MADD: variants seen among roughly 807,000 people sequenced by gnomAD.
The protein encoded by MADD is MAP kinase activating death domain, also known as MAP kinase-activating death domain protein.
A neutral mutation model predicts 176.7 loss-of-function variants in MADD; 109 were observed. The observed-to-expected ratio is 0.62, with a 90% confidence interval of 0.53 to 0.72. The LOEUF (loss-of-function observed/expected upper bound fraction) is 0.72, where lower values mean the gene tolerates loss of function less well. Among genes scored for constraint, MADD ranks in the 30% least tolerant of loss-of-function variants. MADD has a pLI of 0.00. For missense variants in MADD, 1,914 were observed against 2,045.5 expected (o/e 0.94, Z 1.24); for synonymous variants, 771 against 771.3 (o/e 1.00, Z 0.01).
intron 26 of MADD, among the ~76,000 whole-genome samples, chr11:47,312,395 T>C (rs977996852): frequency 6.6e-6 from 1 of 152,194 alleles, no homozygotes; most frequent in Non-Finnish European, 1.5e-5. Flanking sequence ...ATTACAGGCA[T>C]GTGCCCGCCC....
intron 22 of MADD, among the ~76,000 whole-genome samples, chr11:47,297,234 A>G (rs2073237865): frequency 6.6e-6 from 1 of 152,164 alleles, no homozygotes; most frequent in African/African-American, 2.4e-5. Flanking sequence ...GAAACCAACT[A>G]TTTAAAACTG....
exon 30 of MADD, chr11:47,324,479 T>C (rs977156839): frequency 3.7e-6 from 6 of 1,613,360 alleles, no homozygotes; most frequent in South Asian, 1.1e-5. Flanking sequence ...AGGACCTGAA[T>C]TGGGTGGCGA....
rs2066300455 is a variant in MADD at position 47,292,608 on chromosome 11, A to G, written c.3302-1275A>G. The G allele has an allele frequency of 6.2e-7, 1 of 1,613,704 alleles. No homozygotes were observed. The highest frequency in any genetic ancestry group is 1.1e-5 in the South Asian group (1 of 91,084). ...TTTGGAAAAACAGAGTAAGGAACAAATGCCCTTTCCTGTTCCCAAGTCCTC... is the reference window on the plus strand; with the variant it reads ...TTTGGAAAAACAGAGTAAGGAACAAGTGCCCTTTCCTGTTCCCAAGTCCTC... On this transcript the variant is annotated intron_variant, in intron 19 of 32. Coordinates refer to ENST00000402192, the Ensembl canonical transcript of MADD.
intron 15 of MADD, among the ~76,000 whole-genome samples, chr11:47,287,891 C>G (rs1030544435): frequency 2.0e-5 from 3 of 148,700 alleles, no homozygotes; most frequent in Non-Finnish European, 3.0e-5. Flanking sequence ...CCCGGGTTCA[C>G]ACCATTCTGC....
chr11:47,311,048 T>C (rs1386263660), intron 25 of MADD, among the ~76,000 whole-genome samples: 1 of 152,128 alleles, frequency 6.6e-6, no homozygotes, highest in East Asian at 1.9e-4. Flanking sequence ...TTGTACTTGG[T>C]TTTATAGCTG....
At chr11:47,324,983 GGTGTGCGTGCAGCTTGC>G (rs2095250723) in intron 30 of MADD, 1 of 570,876 alleles carries the variant, frequency 1.8e-6, no homozygotes, top group Admixed American at 3.1e-5. Context: ...GTGTCTTTCT[GGTGTGCGTGCAGCTTGC>G]GTGTGCGTGC....
intron 14 of MADD, among the ~76,000 whole-genome samples, chr11:47,286,090 T>C (rs2060437866): frequency 6.6e-6 from 1 of 152,160 alleles, no homozygotes; most frequent in African/African-American, 2.4e-5. Flanking sequence ...ATCCCTGTGA[T>C]TGTGAGTTTC....
chr11:47,297,255 C>T (rs2073269175), intron 22 of MADD, among the ~76,000 whole-genome samples: 2 of 151,982 alleles, frequency 1.3e-5, no homozygotes, highest in Admixed American at 6.6e-5. Context: ...GTTATCATTC[C>T]CACCCCCAGA....
At chr11:47,290,401 G>A (rs1019329959) in intron 18 of MADD, 102 bp downstream of exon 19, 19 of 1,452,008 alleles carry the variant, frequency 1.3e-5, no homozygotes, top group Non-Finnish European at 1.7e-5. Flanking sequence ...CCAGTGCCAC[G>A]CTGCTTCCCA....
At chr11:47,318,102 T>C (rs1425077036) in intron 27 of MADD, among the ~76,000 whole-genome samples, 1 of 152,206 alleles carries the variant, frequency 6.6e-6, no homozygotes, top group Non-Finnish European at 1.5e-5. Context: ...CAATAGTTTC[T>C]TTTACGGCTT....
At chr11:47,289,057 C>CT (rs745337450) in intron 15 of MADD, 30 bp downstream of exon 16, 13,098 of 1,367,656 alleles carry the variant, frequency 9.6e-3, no homozygotes, top group South Asian at 0.013. Context: ...TGTGCATGAT[C>CT]TTTTTTTTTT....
chr11:47,275,212 AT>A, intron 3 of MADD, 53 bp downstream of exon 3: 1 of 1,509,496 alleles, frequency 6.6e-7, no homozygotes, highest in South Asian at 1.2e-5. Flanking sequence ...ATTCCATGTA[AT>A]TGGTCTTTGA....
At chr11:47,324,161 T>G in intron 28 of MADD, 104 bp from the exon 32 acceptor site, 3 of 982,734 alleles carry the variant, frequency 3.1e-6, no homozygotes, top group Non-Finnish European at 4.8e-6. Flanking sequence ...ACTTAAAATT[T>G]TACCCCTCAC....
chr11:47,285,472 C>G, exon 14 of MADD: 1 of 1,614,132 alleles, frequency 6.2e-7, no homozygotes, highest in Non-Finnish European at 8.5e-7. Flanking sequence ...TGCTGCGGCC[C>G]AACAGCTTGA....
chr11:47,321,823 G>C (rs2094522103), intron 27 of MADD, among the ~76,000 whole-genome samples: 1 of 152,146 alleles, frequency 6.6e-6, no homozygotes, highest in Non-Finnish European at 1.5e-5. Flanking sequence ...TGGGGCAGCT[G>C]GGTGGATGGT....
chr11:47,285,398 C>T, intron 13 of MADD, 53 bp from the exon 14 acceptor site: 1 of 1,610,764 alleles, frequency 6.2e-7, no homozygotes, highest in South Asian at 1.1e-5. Context: ...GGCCCATACT[C>T]CCAAGATCAG....
At chr11:47,328,754 G>A (rs764353707) in intron 32 of MADD, 50 bp downstream of exon 36, 1 of 1,611,432 alleles carries the variant, frequency 6.2e-7, no homozygotes. Context: ...GGGCTCCCTG[G>A]GGGACCTTCG....
chr11:47,327,922 G>T (rs921949695), intron 31 of MADD: 21 of 985,154 alleles, frequency 2.1e-5, no homozygotes, highest in Non-Finnish European at 2.5e-5. Context: ...TGGCTGGAGC[G>T]GGGGGACTCT....
chr11:47,279,188 T>C, intron 7 of MADD, 109 bp downstream of exon 7: 1 of 1,034,512 alleles, frequency 9.7e-7, no homozygotes, highest in South Asian at 1.4e-5. Context: ...AGTGGAGTAG[T>C]TTTCTTCACC....
Sources: gnomAD v4.1 joint callset for allele counts (sites outside exome capture counted in the v4.1 genomes callset) on GRCh38, gnomAD v4.1.1 for gene constraint, MANE v1.5 for transcripts, NCBI Gene and HGNC (gene_info 2026-07-23, HGNC 2026-07-21) for gene names.